Variants in BTBD6 observed in about 807,000 individuals in gnomAD.
The protein encoded by BTBD6 is BTB domain containing 6, also known as BTB/POZ domain-containing protein 6.
In BTBD6, 30 loss-of-function variants were observed where a neutral mutation model predicts 40.6. That is an observed-to-expected ratio of 0.74 (90% CI 0.55 to 1.00). BTBD6 has a LOEUF of 1.00. Ranked by LOEUF, BTBD6 falls within the 50% of genes least tolerant of loss-of-function variation. The probability of loss-of-function intolerance (pLI) is 0.00; values close to 1 mark genes in which losing one functional copy is unlikely to be tolerated. For missense variants in BTBD6, 698 were observed against 694.6 expected, an observed-to-expected ratio of 1.00 and a Z score of -0.06; for synonymous variants, 378 against 308.7, an observed-to-expected ratio of 1.22 and a Z score of -2.35.
Position 105,249,882 on chromosome 14 carries a change from G to A in BTBD6, c.827G>A (p.Gly276Asp). ...GCCGAGATGGCCCTACGGTCCGAAG[G>A]CTTCTGTGAGATAGACCGGCAGACG... ...AQAEMALRSEGFCEIDRQTLE... is the reference protein window; with the variant it reads ...AQAEMALRSEDFCEIDRQTLE... Residue 276 changes from glycine to aspartate, a missense_variant, in exon 4 of 4, where the codon GGC (glycine) becomes GAC (aspartate). Transcript: ENST00000392554. 2 of 1,611,828 alleles carry A rather than the reference G, an allele frequency of 1.2e-6. No individual in the cohort carries two copies. Among genetic ancestry groups the A allele is most frequent in the South Asian group, 1.1e-5 (1 of 91,078 alleles).
Position 105,249,738 on chromosome 14 carries a change from G to A in BTBD6, c.683G>A (p.Cys228Tyr), listed in dbSNP as rs775145634. 6 of 1,613,948 alleles carry A rather than the reference G, an allele frequency of 3.7e-6. No individual in the cohort carries two copies. The Admixed American group carries it at 1.0e-4, about 27-fold the overall frequency. ...KYIVPALAKA[C>Y]VNFLETSLEA... ...ATCGTCCCAGCATTGGCAAAAGCCT[G>A]TGTCAACTTTCTGGAGACAAGTTTG... Residue 228 changes from cysteine to tyrosine, a missense_variant, in exon 4 of 4, where the codon TGT becomes TAT. Transcript: ENST00000392554.
In BTBD6 at chr14:105,250,289, A is replaced by G. The variant is rs1477710865; in HGVS notation, c.1234A>G (p.Ser412Gly). 1 of 1,613,058 alleles carries G rather than the reference A, an allele frequency of 6.2e-7. No individual in the cohort carries two copies. Among genetic ancestry groups the G allele is most frequent in the Non-Finnish European group, 8.5e-7 (1 of 1,180,026 alleles). The change falls in exon 4 of 4, where the codon AGC becomes GGC. Residue 412 changes from serine to glycine, a missense_variant. Ser to Gly is a moderately conservative substitution (Grantham distance 56). Coordinates refer to ENST00000392554, the MANE Select transcript of BTBD6 (RefSeq NM_001387567.1). ...GTGGCGGTACCGCGGGCGCTGCGAC[A>G]GCATCCAGTTTGCAGTGGACAGAAG... Reference protein sequence around the residue: ...NQWRYRGRCDSIQFAVDRRVF... With the variant: ...NQWRYRGRCDGIQFAVDRRVF...
In BTBD6 at chr14:105,248,659, G is replaced by C. The variant is rs992514821; in HGVS notation, c.-53G>C. 2.0e-6 allele frequency: 2 copies of C among 980,890 alleles called. No homozygotes were observed. The highest frequency in any genetic ancestry group is 6.3e-5 in the Admixed American group (1 of 15,862). The allele number at this position is 980,890 out of a possible 1,614,324, so 60.8% of individuals were successfully genotyped here. On this transcript the variant is annotated 5_prime_UTR_variant, in exon 1 of 4. Coordinates refer to ENST00000392554, the MANE Select transcript of BTBD6 (RefSeq NM_001387567.1). ...GGCTCGGGCAGGGTCGCAGGGGCGG[G>C]GGTGGCAGGGGAGCGGGTGGCAGCC...
At chr14:105,249,570 C>G in intron 3 of BTBD6, 70 bp from the exon 4 acceptor site, 2 of 1,587,064 alleles carry the variant, frequency 1.3e-6, no homozygotes, top group South Asian at 2.3e-5. Flanking sequence ...CTGATGGACT[C>G]CTCTCCCAGG....
rs2055331739 is a variant in BTBD6, at chr14:105,248,652, G to C, written c.-60G>C. 9.2e-6 allele frequency: 9 copies of C among 980,770 alleles called. No homozygotes were observed. Among genetic ancestry groups the C allele is most frequent in the Middle Eastern group, 5.2e-4 (1 of 1,912 alleles). The allele number at this position is 980,770 out of a possible 1,614,324, so 60.8% of individuals were successfully genotyped here. On this transcript the variant is annotated 5_prime_UTR_variant, in exon 1 of 4. Coordinates refer to ENST00000392554, the MANE Select transcript of BTBD6 (RefSeq NM_001387567.1). The stretch of plus-strand genomic sequence containing the variant: ...TAGGCTGGGCTCGGGCAGGGTCGCA[G>C]GGGCGGGGGTGGCAGGGGAGCGGGT...
rs369736670 is a variant in BTBD6, at chr14:105,249,745, C to T, written c.690C>T (p.Asn230=). ...CAGCATTGGCAAAAGCCTGTGTCAA[C>T]TTTCTGGAGACAAGTTTGGAAGCCA... ...IVPALAKACV[N]FLETSLEAKN... Residue 230 remains asparagine (N), a synonymous_variant, in exon 4 of 4, where the codon AAC becomes AAT. Transcript: ENST00000392554. 67 of 1,613,832 alleles carry T rather than the reference C, an allele frequency of 4.2e-5. No homozygotes were observed. The highest frequency in any genetic ancestry group is 5.1e-5 in the Non-Finnish European group (60 of 1,180,046).
rs2055382138 is a variant in BTBD6 at position 105,249,046 on chromosome 14, G to T, written c.335G>T (p.Ser112Ile). 1.6e-6 allele frequency: 2 copies of T among 1,279,550 alleles called. No homozygotes were observed. Among genetic ancestry groups the T allele is most frequent in the Non-Finnish European group, 2.0e-6 (2 of 1,021,684 alleles). 79.3% of individuals were successfully genotyped at this position (1,279,550 alleles called of 1,614,324 possible). A position where few individuals can be genotyped will look rare whatever the true frequency, so the allele number is the denominator to read the frequency against. The part of the protein sequence containing the change: ...PPTLGNNHQE[S>I]PGWRCCRPTL... ...ACACTCGGCAACAACCACCAGGAGA[G>T]CCCCGGCTGGCGGTGCTGCCGCCCC... The change falls in exon 1 of 4, where the codon AGC becomes ATC. Residue 112 changes from serine (S) to isoleucine (I), a missense_variant. By Grantham distance (142) the Ser-to-Ile change is moderately radical. Coordinates refer to ENST00000392554, the MANE Select transcript of BTBD6 (RefSeq NM_001387567.1).
In BTBD6 at chr14:105,249,634, G is replaced by T; in HGVS notation, c.585-6G>T. 1 of 1,601,984 alleles carries T rather than the reference G, an allele frequency of 6.2e-7. No individual in the cohort carries two copies. The highest frequency in any genetic ancestry group is 8.5e-7 in the Non-Finnish European group (1 of 1,172,454). On this transcript the variant is annotated splice_region_variant and splice_polypyrimidine_tract_variant and intron_variant, in intron 3 of 3. Transcript: ENST00000392554. ...CAGCCCCTGACGCGGGCCCTGCCTC[G>T]CCTAGGTACATGTACAGTGATGAGA...
At position 105,250,540 on chromosome 14, in the gene BTBD6, C is replaced by T; in HGVS notation, c.1485C>T (p.Ser495=). The T allele has an allele frequency of 6.2e-7, 1 of 1,614,126 alleles. No homozygotes were observed. Among genetic ancestry groups the T allele is most frequent in the Non-Finnish European group, 8.5e-7 (1 of 1,180,032 alleles). Residue 495 remains serine, a synonymous_variant, in exon 4 of 4, where the codon AGC becomes AGT. Transcript: ENST00000392554. ...ASAVLDGSEL[S]YFGQEGMTEV... ...CCGTCCTGGACGGCAGCGAACTCAGCTACTTTGGGCAGGAGGGGATGACGG... is the reference window on the plus strand; with the variant it reads ...CCGTCCTGGACGGCAGCGAACTCAGTTACTTTGGGCAGGAGGGGATGACGG...
chr14:105,248,882 A>T lies in BTBD6; in HGVS notation c.171A>T (p.Glu57Asp). Residue 57 changes from glutamate (E) to aspartate (D), a missense_variant, in exon 1 of 4, where the codon GAA becomes GAT. Glu to Asp is a conservative substitution (Grantham distance 45, BLOSUM62 2). Coordinates refer to ENST00000392554, the MANE Select transcript of BTBD6 (RefSeq NM_001387567.1). ...CCCCGCCCGCGAAGATGGCGGCGGA[A>T]CTCTACGCTCCCGCCAGCGCCGCGG... is the stretch of plus-strand genomic sequence containing the variant. ...PAAPPAKMAA[E>D]LYAPASAAAA... The T allele has an allele frequency of 1.0e-6, 1 of 985,136 alleles. No homozygotes were observed. The allele number at this position is 985,136 out of a possible 1,614,324, so 61.0% of individuals were successfully genotyped here.
Position 105,248,989 on chromosome 14 carries a change from C to G in BTBD6, c.278C>G (p.Pro93Arg), listed in dbSNP as rs2055369629. The G allele has an allele frequency of 1.0e-6, 1 of 992,910 alleles. No homozygotes were observed. The highest frequency in any genetic ancestry group is 4.5e-5 in the South Asian group (1 of 22,202). The allele number at this position is 992,910 out of a possible 1,614,324, so 61.5% of individuals were successfully genotyped here. A position where few individuals can be genotyped will look rare whatever the true frequency, so the allele number is the denominator to read the frequency against. Residue 93 changes from proline to arginine, a missense_variant, in exon 1 of 4, where the codon CCA becomes CGA. Transcript: ENST00000392554. ...GPRSPPSAPA[P>R]APPPPAPAPP... Reference sequence around the variant, plus strand: ...CGCAGCCCGCCCAGCGCCCCCGCGCCAGCGCCGCCGCCGCCCGCGCCCGCG... The same window carrying G: ...CGCAGCCCGCCCAGCGCCCCCGCGCGAGCGCCGCCGCCGCCCGCGCCCGCG...
At position 105,249,814 on chromosome 14, in the gene BTBD6, G is replaced by A; in HGVS notation, c.759G>A (p.Glu253=). 1 of 1,613,618 alleles carries A rather than the reference G, an allele frequency of 6.2e-7. No homozygotes were observed. The highest frequency in any genetic ancestry group is 8.5e-7 in the Non-Finnish European group (1 of 1,180,038). The part of the protein sequence containing the change: ...VLLSQSRLFE[E]PELTQRCWEV... ...TGTCCCAGAGCCGGCTGTTTGAGGAGCCCGAGCTGACGCAGCGCTGCTGGG... is the reference window on the plus strand; with the variant it reads ...TGTCCCAGAGCCGGCTGTTTGAGGAACCCGAGCTGACGCAGCGCTGCTGGG... The change falls in exon 4 of 4, where the codon GAG becomes GAA. Residue 253 remains glutamate (E), a synonymous_variant. Transcript: ENST00000392554.
chr14:105,250,426 G>A lies in BTBD6; in HGVS notation c.1371G>A (p.Lys457=), dbSNP rs1252099339. The change falls in exon 4 of 4, where the codon AAG becomes AAA. Residue 457 remains lysine (K), a synonymous_variant. Transcript: ENST00000392554. ...LGVVLAQNLT[K]FMSDGSSNTF... is the part of the protein sequence containing the mutation. Reference sequence around the variant, plus strand: ...TGGTTCTGGCTCAGAACTTGACCAAGTTCATGTCAGACGGATCCAGTAACA... The same window carrying A: ...TGGTTCTGGCTCAGAACTTGACCAAATTCATGTCAGACGGATCCAGTAACA... 5.0e-6 allele frequency: 8 copies of A among 1,613,992 alleles called. No homozygotes were observed. Among genetic ancestry groups the A allele is most frequent in the East Asian group, 4.5e-5 (2 of 44,888 alleles).
chr14:105,250,879 G>A lies in BTBD6; in HGVS notation c.*207G>A, dbSNP rs77631464. ...GCATCTCTGGTACAGTGGGGTGCAC[G>A]TCTCAGGTGGAGGAAGATTTACGGC... is the stretch of plus-strand genomic sequence containing the variant. On this transcript the variant is annotated 3_prime_UTR_variant, in exon 4 of 4. Transcript: ENST00000392554. The A allele has an allele frequency of 6.2e-3, 3,720 of 604,104 alleles. 123 individuals carry two copies. In the African/African-American group the frequency reaches 0.063, roughly 10 times the overall value. 37.4% of individuals were successfully genotyped at this position (604,104 alleles called of 1,614,324 possible). A position where few individuals can be genotyped will look rare whatever the true frequency, so the allele number is the denominator to read the frequency against.
Position 105,249,973 on chromosome 14 carries a change from G to A in BTBD6, c.918G>A (p.Leu306=). The change falls in exon 4 of 4, where the codon CTG becomes CTA. Residue 306 remains leucine (L), a synonymous_variant. Coordinates refer to ENST00000392554, the MANE Select transcript of BTBD6 (RefSeq NM_001387567.1). ...AGGCGGTGGTCTTCGAGGCCGTCCT[G>A]AACTGGGCCGAGGCGGAGTGCAAGA... ...TKEAVVFEAV[L]NWAEAECKRQ... 1 of 1,612,492 alleles carries A rather than the reference G, an allele frequency of 6.2e-7. No individual in the cohort carries two copies. The highest frequency in any genetic ancestry group is 8.5e-7 in the Non-Finnish European group (1 of 1,180,030).
rs968559311 is a variant in BTBD6 at position 105,249,093 on chromosome 14, C to T, written c.374+8C>T. 18 of 1,482,158 alleles carry T rather than the reference C, an allele frequency of 1.2e-5. No homozygotes were observed. The African/African-American group carries it at 1.5e-4, about 12-fold the overall frequency. 91.8% of individuals were successfully genotyped at this position (1,482,158 alleles called of 1,614,324 possible). A position where few individuals can be genotyped will look rare whatever the true frequency, so the allele number is the denominator to read the frequency against. On this transcript the variant is annotated splice_region_variant and intron_variant, in intron 1 of 3. Transcript: ENST00000392554. Reference sequence around the variant, plus strand: ...CCCCACGCTGCGCGAGAGGTGAGCCCGTGCCCCGCGGCCCCCGCGCCCGCG... The same window carrying T: ...CCCCACGCTGCGCGAGAGGTGAGCCTGTGCCCCGCGGCCCCCGCGCCCGCG...
chr14:105,250,338 T>C lies in BTBD6; in HGVS notation c.1283T>C (p.Leu428Pro), dbSNP rs1399696834. 6.2e-7 allele frequency: 1 copy of C among 1,613,520 alleles called. No individual in the cohort carries two copies. Among genetic ancestry groups the C allele is most frequent in the Admixed American group, 1.7e-5 (1 of 60,020 alleles). The change falls in exon 4 of 4, where the codon CTG becomes CCG. Residue 428 changes from leucine to proline, a missense_variant. By Grantham distance (98) the Leu-to-Pro change is moderately conservative. Transcript: ENST00000392554. Reference protein sequence around the residue: ...DRRVFIAGLGLYGSSSGKAEY... With the variant: ...DRRVFIAGLGPYGSSSGKAEY... ...AGGGTATTTATTGCAGGGCTGGGCC[T>C]GTATGGCTCCAGCTCTGGGAAGGCT...
chr14:105,249,587 C>A, intron 3 of BTBD6, 53 bp from the exon 4 acceptor site: 3 of 1,585,890 alleles, frequency 1.9e-6, no homozygotes, highest in African/African-American at 1.3e-5. Flanking sequence ...CAGGCCCAGC[C>A]CCGCGATGGG....
At position 105,249,444 on chromosome 14, in the gene BTBD6, G is replaced by A. The variant is rs2055438924; in HGVS notation, c.550G>A (p.Asp184Asn). ...AGTCAAATCTGAAATTCACATTCCAGACGTGGAGCCCGCAGCCTTTCTGAT... is the reference window on the plus strand; with the variant it reads ...AGTCAAATCTGAAATTCACATTCCAAACGTGGAGCCCGCAGCCTTTCTGAT... ...AEVKSEIHIP[D>N]VEPAAFLILL... is the part of the protein sequence containing the mutation. Residue 184 changes from aspartate to asparagine, a missense_variant, in exon 3 of 4, where the codon GAC becomes AAC. Coordinates refer to ENST00000392554, the MANE Select transcript of BTBD6 (RefSeq NM_001387567.1). 1 of 1,613,518 alleles carries A rather than the reference G, an allele frequency of 6.2e-7. No individual in the cohort carries two copies. Among genetic ancestry groups the A allele is most frequent in the Non-Finnish European group, 8.5e-7 (1 of 1,179,974 alleles).
Sources: gnomAD v4.1 joint callset for allele counts on GRCh38, gnomAD v4.1.1 for gene constraint, MANE v1.5 for transcripts, NCBI Gene and HGNC (gene_info 2026-07-23, HGNC 2026-07-21) for gene names.